Variants in ANO6 observed in about 807,000 individuals in gnomAD.
The protein encoded by ANO6 is anoctamin 6.
Under a neutral mutation model 117.5 loss-of-function variants are expected in ANO6, and 106 were observed. That is an observed-to-expected ratio of 0.90 (90% CI 0.77 to 1.06). The LOEUF is 1.06. Ranked by LOEUF, ANO6 falls within the 50% of genes least tolerant of loss-of-function variation. The pLI, the probability that ANO6 is intolerant of heterozygous loss-of-function variation, is 0.00. For missense variants in ANO6, 955 were observed against 1,121.1 expected (o/e 0.85, Z 2.12); for synonymous variants, 367 against 385.1 (o/e 0.95, Z 0.55).
intron 12 of ANO6, among the ~76,000 whole-genome samples, chr12:45,391,431 G>T (rs867871158): frequency 1.3e-5 from 2 of 152,104 alleles, no homozygotes; most frequent in Non-Finnish European, 2.9e-5. Context: ...TAATATGTCA[G>T]AAAAGAGGCA....
intron 10 of ANO6, among the ~76,000 whole-genome samples, chr12:45,381,124 C>G (rs1942157564): frequency 6.6e-6 from 1 of 152,212 alleles, no homozygotes; most frequent in Non-Finnish European, 1.5e-5. Context: ...GAGTGTGTCT[C>G]ATCCTTAGAC....
chr12:45,261,675 G>A (rs1482675858), intron 1 of ANO6, among the ~76,000 whole-genome samples: 1 of 152,216 alleles, frequency 6.6e-6, no homozygotes, highest in South Asian at 2.1e-4. Context: ...GGATGTCTCA[G>A]TCTCTTTGAG....
intron 1 of ANO6, among the ~76,000 whole-genome samples, chr12:45,297,010 C>T (rs1037011880): frequency 6.6e-6 from 1 of 151,888 alleles, no homozygotes; most frequent in Non-Finnish European, 1.5e-5. Context: ...GTGAGATAAC[C>T]AGGGAAAGTA....
intron 9 of ANO6, among the ~76,000 whole-genome samples, chr12:45,369,644 G>A (rs564665330): frequency 6.6e-6 from 1 of 151,818 alleles, no homozygotes; most frequent in African/African-American, 2.4e-5. Context: ...GTTTGAAAAA[G>A]AAAAAGCACT....
intron 12 of ANO6, among the ~76,000 whole-genome samples, chr12:45,393,010 G>A (rs1377201505): frequency 2.0e-5 from 3 of 152,244 alleles, no homozygotes; most frequent in Non-Finnish European, 4.4e-5. Flanking sequence ...CAAGTTGACA[G>A]AAGTAGGCTT....
In ANO6 at chr12:45,421,118, C is replaced by T. The variant is rs766348625; in HGVS notation, c.2265C>T (p.Tyr755=). Residue 755 remains tyrosine (Y), a synonymous_variant, in exon 18 of 20, where the codon TAC becomes TAT. Coordinates refer to ENST00000320560, the MANE Select transcript of ANO6 (RefSeq NM_001025356.3). Reference sequence around the variant, plus strand: ...CGGACATGATCCCCCGCCTAGTGTACTACTGGTCCTTCTCCGTCCCTCCCT... The same window carrying T: ...CGGACATGATCCCCCGCCTAGTGTATTACTGGTCCTTCTCCGTCCCTCCCT... ...FTSDMIPRLV[Y]YWSFSVPPYG... 6.2e-7 allele frequency: 1 copy of T among 1,614,232 alleles called. No homozygotes were observed. The highest frequency in any genetic ancestry group is 1.1e-5 in the South Asian group (1 of 91,082).
At chr12:45,217,284 A>C (rs1055635918) in intron 1 of ANO6, among the ~76,000 whole-genome samples, 1 of 152,148 alleles carries the variant, frequency 6.6e-6, no homozygotes. Flanking sequence ...TTAAATTACC[A>C]AGCCAGTCTG....
intron 1 of ANO6, among the ~76,000 whole-genome samples, chr12:45,242,554 T>C (rs2137168284): frequency 6.6e-6 from 1 of 152,360 alleles, no homozygotes; most frequent in Non-Finnish European, 1.5e-5. Context: ...CCTGCCCTGC[T>C]TTGGCTCACC....
Position 45,429,613 on chromosome 12 carries a change from A to C in ANO6, c.*302A>C. Reference sequence around the variant, plus strand: ...TTAAAAACCACCCCTTCTAAAGTAGAATGGATTCTTTTTTTTCTGTTTGAT... The same window carrying C: ...TTAAAAACCACCCCTTCTAAAGTAGCATGGATTCTTTTTTTTCTGTTTGAT... On this transcript the variant is annotated 3_prime_UTR_variant, in exon 20 of 20. Transcript: ENST00000320560. 1 of 1,185,202 alleles carries C rather than the reference A, an allele frequency of 8.4e-7. No homozygotes were observed. The highest frequency in any genetic ancestry group is 1.1e-6 in the Non-Finnish European group (1 of 949,980). 73.4% of individuals were successfully genotyped at this position (1,185,202 alleles called of 1,614,324 possible).
intron 1 of ANO6, among the ~76,000 whole-genome samples, chr12:45,268,678 T>C (rs966046261): frequency 5.1e-4 from 78 of 152,168 alleles, no homozygotes; most frequent in African/African-American, 1.6e-3. Flanking sequence ...ACAAGAGTTG[T>C]TGTGAAAGGC....
intron 8 of ANO6, among the ~76,000 whole-genome samples, chr12:45,366,592 G>A (rs931603132): frequency 3.3e-5 from 5 of 152,078 alleles, no homozygotes; most frequent in Non-Finnish European, 7.4e-5. Flanking sequence ...TCTTCTGTTG[G>A]TCAATTTTTC....
chr12:45,280,896 A>AGAGC (rs1471559438), intron 1 of ANO6, among the ~76,000 whole-genome samples: 8 of 151,800 alleles, frequency 5.3e-5, no homozygotes, highest in African/African-American at 1.7e-4. Context: ...AGAGAGAGAG[A>AGAGC]ATATATGTAT....
At chr12:45,233,443 A>G (rs1463270626) in intron 1 of ANO6, among the ~76,000 whole-genome samples, 1 of 152,152 alleles carries the variant, frequency 6.6e-6, no homozygotes, top group Admixed American at 6.5e-5. Flanking sequence ...GGGATCTTTC[A>G]TATGTGATTG....
chr12:45,244,403 T>TGGGGGG (rs59579814), intron 1 of ANO6, among the ~76,000 whole-genome samples: 1 of 72,380 alleles, frequency 1.4e-5, no homozygotes. Context: ...CTTCTCTATT[T>TGGGGGG]GGGGGGGGGG....
At chr12:45,299,127 G>A (rs1379400296) in intron 1 of ANO6, among the ~76,000 whole-genome samples, 2 of 152,120 alleles carry the variant, frequency 1.3e-5, no homozygotes, top group Non-Finnish European at 2.9e-5. Context: ...TCTTCCAAAT[G>A]TAAAGCAAGC....
rs186255472 is a variant in ANO6, at chr12:45,359,656, A to T, written c.998+2232A>T. On this transcript the variant is annotated intron_variant, in intron 8 of 19. Transcript: ENST00000320560. ...CATTTTTGTGGCCAAATAATACTCC[A>T]TGTGTGTATAAACCGCATTGTTTAT... is the stretch of plus-strand genomic sequence containing the variant. Among the ~76,000 whole-genome samples, 744 of 152,294 alleles carry T rather than the reference A, an allele frequency of 4.9e-3. 3 individuals carry two copies. The highest frequency in any genetic ancestry group is 0.01 in the Admixed American group (157 of 15,304).
At chr12:45,266,738 C>T (rs111802514) in intron 1 of ANO6, among the ~76,000 whole-genome samples, 2,436 of 151,784 alleles carry the variant, frequency 0.016, 61 homozygotes, top group African/African-American at 0.054. Flanking sequence ...TGGAGGTTGC[C>T]GTGAGCCAAG....
At chr12:45,343,788 T>A (rs1467328791) in intron 3 of ANO6, among the ~76,000 whole-genome samples, 2 of 152,180 alleles carry the variant, frequency 1.3e-5, no homozygotes, top group East Asian at 3.9e-4. Context: ...ACAGGGCTGC[T>A]GCCAGCACCG....
chr12:45,250,564 A>AT (rs1275892271), intron 1 of ANO6, among the ~76,000 whole-genome samples: 1 of 151,354 alleles, frequency 6.6e-6, no homozygotes, highest in Non-Finnish European at 1.5e-5. Context: ...AGCTAATTAA[A>AT]TTTTTTTGTT....
Sources: allele counts gnomAD v4.1 joint callset (sites outside exome capture counted in the v4.1 genomes callset), GRCh38; gene constraint gnomAD v4.1.1; transcripts MANE v1.5; gene names NCBI Gene and HGNC (gene_info 2026-07-23, HGNC 2026-07-21).